STAB1: variants seen among roughly 807,000 people sequenced by gnomAD.
STAB1 encodes the protein stabilin-1.
Under a neutral mutation model 332.4 loss-of-function variants are expected in STAB1, and 250 were observed. The ratio of observed to expected loss-of-function variants is 0.75; its 90% CI spans 0.68 to 0.84. The LOEUF is 0.84. STAB1 is among the 40% of genes least tolerant of loss of function. The pLI, the probability that STAB1 is intolerant of heterozygous loss-of-function variation, is 0.00. For synonymous variants in STAB1, 1,475 were observed against 1,390.4 expected (o/e 1.06, Z -1.35); for missense variants, 3,249 against 3,489.7 (o/e 0.93, Z 1.74).
chr3:52,517,822 G>T, intron 44 of STAB1, 59 bp from the exon 45 acceptor site: 1 of 1,609,900 alleles, frequency 6.2e-7, no homozygotes, highest in South Asian at 1.1e-5. Context: ...TCACAGGGCT[G>T]AGTGGGATAG....
chr3:52,504,301 G>T (rs929247175), intron 10 of STAB1, 146 bp downstream of exon 10: 12 of 1,434,176 alleles, frequency 8.4e-6, no homozygotes, highest in African/African-American at 1.4e-5. Context: ...CATGCAGGGG[G>T]TGGGAGCTGC....
rs375388688 is a variant in STAB1 at position 52,505,326 on chromosome 3, T to C, written c.1526T>C (p.Ile509Thr). The change falls in exon 14 of 69, where the codon ATC becomes ACC. Residue 509 changes from isoleucine (I) to threonine (T), a missense_variant. Coordinates refer to ENST00000321725, the MANE Select transcript of STAB1 (RefSeq NM_015136.3). ...ACTCATCCCTCCTTACAGAGAACTA[T>C]CGGACAGATCCTCGCCTCTACCGAG... ...SGTPGDPKRT[I>T]GQILASTEAF... 8.1e-6 allele frequency: 13 copies of C among 1,613,610 alleles called. No homozygotes were observed. In the African/African-American group the frequency reaches 1.5e-4, roughly 18 times the overall value.
intron 45 of STAB1, 44 bp downstream of exon 45, chr3:52,518,047 C>A (rs747828935): frequency 6.4e-7 from 1 of 1,566,074 alleles, no homozygotes; most frequent in African/African-American, 1.4e-5. Flanking sequence ...CTTGGCTGTG[C>A]CCCATGGGCC....
chr3:52,523,125 C>A lies in STAB1; in HGVS notation c.7011C>A (p.Thr2337=). Residue 2337 remains threonine (T), a synonymous_variant, in exon 63 of 69, where the codon ACC becomes ACA. Transcript: ENST00000321725. ...DVLAATANFS[T]FYGMLLGYAN... ...TGGCTGCCACTGCCAACTTCTCCAC[C>A]TTCTATGGGGTGTGTGGGGGCCACC... is the stretch of plus-strand genomic sequence containing the variant. 6.3e-7 allele frequency: 1 copy of A among 1,589,026 alleles called. No homozygotes were observed. The highest frequency in any genetic ancestry group is 1.3e-5 in the African/African-American group (1 of 74,640).
At chr3:52,503,705 G>A in intron 8 of STAB1, 67 bp from the exon 9 acceptor site, 1 of 1,603,130 alleles carries the variant, frequency 6.2e-7, no homozygotes, top group South Asian at 1.1e-5. Context: ...GGCTCTATGG[G>A]TAGGGCAGAC....
chr3:52,512,350 C>T lies in STAB1; in HGVS notation c.2893C>T (p.Arg965Trp), dbSNP rs771622882. Residue 965 changes from arginine to tryptophan, a missense_variant, in exon 27 of 69, where the codon CGG becomes TGG. Coordinates refer to ENST00000321725, the MANE Select transcript of STAB1 (RefSeq NM_015136.3). ...CTCACTCCCACCCCAGGCCACCTGC[C>T]GGGCAGTGGGGGGAGGTCAGCGGGT... is the stretch of plus-strand genomic sequence containing the variant. ...NGGCHGLATC[R>W]AVGGGQRVCT... 4.3e-6 allele frequency: 7 copies of T among 1,613,010 alleles called. No homozygotes were observed. Among genetic ancestry groups the T allele is most frequent in the Admixed American group, 1.7e-5 (1 of 59,900 alleles).
intron 8 of STAB1, 81 bp from the exon 9 acceptor site, chr3:52,503,691 G>A: frequency 6.3e-7 from 1 of 1,591,602 alleles, no homozygotes; most frequent in Admixed American, 1.7e-5. Context: ...GAGGGGCTGA[G>A]CAGGGCTCTA....
At chr3:52,500,045 C>T (rs1477905919) in intron 1 of STAB1, among the ~76,000 whole-genome samples, 1 of 152,134 alleles carries the variant, frequency 6.6e-6, no homozygotes. Context: ...TGCACTCCAG[C>T]CAGGGCGACA....
rs574808976 is a variant in STAB1 at position 52,522,961 on chromosome 3, C to A, written c.6910+21C>A. On this transcript the variant is annotated intron_variant, in intron 62 of 68. Coordinates refer to ENST00000321725, the MANE Select transcript of STAB1 (RefSeq NM_015136.3). Reference sequence around the variant, plus strand: ...GCAAGGTGTGTCCACCCGACCAAACCCTACTTCCCCTGCTCTGCCCCTTCC... The same window carrying A: ...GCAAGGTGTGTCCACCCGACCAAACACTACTTCCCCTGCTCTGCCCCTTCC... The A allele has an allele frequency of 5.6e-6, 9 of 1,607,906 alleles. No homozygotes were observed. The South Asian group carries it at 7.7e-5, about 14-fold the overall frequency.
chr3:52,517,512 T>G (rs532645507), intron 43 of STAB1, 38 bp from the exon 44 acceptor site: 1 of 1,607,446 alleles, frequency 6.2e-7, no homozygotes, highest in East Asian at 2.2e-5. Context: ...GGCCAGCTGT[T>G]GGCTCCCAGC....
Position 52,495,491 on chromosome 3 carries a change from G to C in STAB1, c.78G>C (p.Gln26His). The change falls in exon 1 of 69, where the codon CAG (glutamine) becomes CAC (histidine). Residue 26 changes from glutamine to histidine, a missense_variant and splice_region_variant. By Grantham distance (24) the Gln-to-His change is conservative. Coordinates refer to ENST00000321725, the MANE Select transcript of STAB1 (RefSeq NM_015136.3). Reference protein sequence around the residue: ...CLAGFSFVRGQVLFKGCDVKT... With the variant: ...CLAGFSFVRGHVLFKGCDVKT... The stretch of plus-strand genomic sequence containing the variant: ...CAGGCTTCAGCTTCGTCAGGGGGCA[G>C]GTAAGTGTGAGCCAGTCGCAGGGGC... 7.5e-7 allele frequency: 1 copy of C among 1,339,730 alleles called. No homozygotes were observed. The highest frequency in any genetic ancestry group is 9.6e-7 in the Non-Finnish European group (1 of 1,037,780). The allele number at this position is 1,339,730 out of a possible 1,614,324, so 83.0% of individuals were successfully genotyped here.
chr3:52,503,078 C>A lies in STAB1; in HGVS notation c.663C>A (p.Pro221=). Reference sequence around the variant, plus strand: ...AGGCTCCCAGCTGCAGGTGCCTGCCCGGCTACACACAGCAGGGCAGTGAAT... The same window carrying A: ...AGGCTCCCAGCTGCAGGTGCCTGCCAGGCTACACACAGCAGGGCAGTGAAT... The part of the protein sequence containing the change: ...SAEAPSCRCL[P]GYTQQGSECR... The change falls in exon 7 of 69, where the codon CCC becomes CCA. Residue 221 remains proline, a synonymous_variant. Transcript: ENST00000321725. The A allele has an allele frequency of 1.2e-6, 2 of 1,600,180 alleles. No individual in the cohort carries two copies. The highest frequency in any genetic ancestry group is 1.3e-5 in the African/African-American group (1 of 74,840).
chr3:52,515,263 C>T (rs755050972), intron 36 of STAB1, among the ~76,000 whole-genome samples, 160 bp from the exon 37 acceptor site: 2 of 152,140 alleles, frequency 1.3e-5, no homozygotes, highest in African/African-American at 2.4e-5. Context: ...GGATCCTGTC[C>T]GCCCTCTCCC....
chr3:52,496,080 C>T (rs1319183380), intron 1 of STAB1, among the ~76,000 whole-genome samples: 3 of 152,256 alleles, frequency 2.0e-5, no homozygotes, highest in East Asian at 1.9e-4. Flanking sequence ...CTGTCCTCCT[C>T]GTGAGGAACC....
chr3:52,517,683 A>G, intron 44 of STAB1, 59 bp downstream of exon 44: 1 of 1,592,246 alleles, frequency 6.3e-7, no homozygotes, highest in African/African-American at 1.3e-5. Context: ...CTGAGGCAGG[A>G]ACCAGCCCTT....
In STAB1 at chr3:52,519,512, T is replaced by TCAC; in HGVS notation, c.5185_5187dup (p.Thr1729dup). ...ATGAGAGCCTTTCCTCAGAGAAATG[T>TCAC]CACCGCCGCCGCCCAGGGCTTCGGT... On this transcript the variant is annotated inframe_insertion, in exon 50 of 69. Coordinates refer to ENST00000321725, the MANE Select transcript of STAB1 (RefSeq NM_015136.3). The TCAC allele has an allele frequency of 6.2e-7, 1 of 1,613,238 alleles. No individual in the cohort carries two copies. Among genetic ancestry groups the TCAC allele is most frequent in the Non-Finnish European group, 8.5e-7 (1 of 1,179,988 alleles).
intron 34 of STAB1, 94 bp downstream of exon 34, chr3:52,514,590 C>A: frequency 1.3e-6 from 2 of 1,568,588 alleles, no homozygotes; most frequent in Non-Finnish European, 8.6e-7. Context: ...AGCCTCCAAC[C>A]TCTAACCTCT....
Position 52,516,350 on chromosome 3 carries a change from C to T in STAB1, c.4145-6C>T. The T allele has an allele frequency of 6.2e-7, 1 of 1,606,846 alleles. No individual in the cohort carries two copies. Among genetic ancestry groups the T allele is most frequent in the South Asian group, 1.1e-5 (1 of 90,816 alleles). On this transcript the variant is annotated splice_region_variant and splice_polypyrimidine_tract_variant and intron_variant, in intron 38 of 68. Transcript: ENST00000321725. Reference sequence around the variant, plus strand: ...GCAACTCCTATCCTCCTTTATACCACTGCAGTGTGTGACTGTGCCCATGGG... The same window carrying T: ...GCAACTCCTATCCTCCTTTATACCATTGCAGTGTGTGACTGTGCCCATGGG...
In STAB1 at chr3:52,521,845, G is replaced by A. The variant is rs1339326785; in HGVS notation, c.6165G>A (p.Glu2055=). The change falls in exon 58 of 69, where the codon GAG becomes GAA. Residue 2055 remains glutamate (E), a splice_region_variant and synonymous_variant. Coordinates refer to ENST00000321725, the MANE Select transcript of STAB1 (RefSeq NM_015136.3). ...TGGGGGCTGGGCCCTGGGGGACAGA[G>A]CTGCAGCCTGTGTGTACCCCACCCT... The part of the protein sequence containing the change: ...WTGPRCEVQL[E]LQPVCTPPCA... 1.3e-6 allele frequency: 2 copies of A among 1,595,910 alleles called. No individual in the cohort carries two copies. The highest frequency in any genetic ancestry group is 1.3e-5 in the African/African-American group (1 of 74,770).
Sources: allele counts gnomAD v4.1 joint callset (sites outside exome capture counted in the v4.1 genomes callset), GRCh38; gene constraint gnomAD v4.1.1; transcripts MANE v1.5; gene names NCBI Gene and HGNC (gene_info 2026-07-23, HGNC 2026-07-21).